Variants in RASA1 observed in about 807,000 individuals in gnomAD.
RASA1 encodes RAS p21 protein activator 1.
RASA1 carries 25 observed loss-of-function variants against 132.2 expected under a neutral mutation model. The observed-to-expected ratio is 0.19, with a 90% CI of 0.14 to 0.26. The LOEUF is 0.26. RASA1 is among the 10% of genes least tolerant of loss of function. The pLI is 1.00. For missense variants in RASA1, 964 were observed against 1,299.2 expected (o/e 0.74, Z 3.97); for synonymous variants, 477 against 449.9 (o/e 1.06, Z -0.76).
At chr5:87,295,922 T>A (rs1398663310) in intron 1 of RASA1, among the ~76,000 whole-genome samples, 1 of 152,100 alleles carries the variant, frequency 6.6e-6, no homozygotes, top group African/African-American at 2.4e-5. Flanking sequence ...ATTCAAGCAG[T>A]TCTCCTGCCT....
At chr5:87,380,996 A>G (rs1387676790) in intron 20 of RASA1, among the ~76,000 whole-genome samples, 1 of 152,220 alleles carries the variant, frequency 6.6e-6, no homozygotes, top group Non-Finnish European at 1.5e-5. Context: ...CTCTGAGCTA[A>G]TCAGAACCAG....
chr5:87,386,989 G>A, intron 23 of RASA1, 86 bp downstream of exon 23: 1 of 1,245,440 alleles, frequency 8.0e-7, no homozygotes, highest in South Asian at 1.3e-5. Flanking sequence ...TCTTTAGAAA[G>A]ATTTTCTATC....
rs541501755 is a variant in RASA1 at position 87,307,993 on chromosome 5, T to G, written c.540-23355T>G. ...CACAAAACTTTTGAATACTGCAGTT[T>G]GCTATGCAGTCTTTCCTTAGCTTCT... is the stretch of plus-strand genomic sequence containing the variant. On this transcript the variant is annotated intron_variant, in intron 1 of 24. Transcript: ENST00000274376. Among the ~76,000 whole-genome samples, 66 of 152,326 alleles carry G rather than the reference T, an allele frequency of 4.3e-4. 1 individual carries two copies. In the South Asian group the frequency reaches 0.013, roughly 30 times the overall value.
intron 23 of RASA1, among the ~76,000 whole-genome samples, chr5:87,388,033 T>C (rs1270226481): frequency 1.3e-5 from 2 of 152,176 alleles, no homozygotes; most frequent in East Asian, 3.8e-4. Context: ...TCAATTATTA[T>C]CTCCTTCAGG....
chr5:87,386,972 G>A, intron 23 of RASA1, 69 bp downstream of exon 23: 1 of 1,353,724 alleles, frequency 7.4e-7, no homozygotes, highest in South Asian at 1.2e-5. Context: ...ACCCATTTAA[G>A]CAGCAATCTT....
chr5:87,391,251 T>C lies in RASA1; in HGVS notation c.*368T>C. The C allele has an allele frequency of 2.5e-6, 1 of 399,154 alleles. No homozygotes were observed. Among genetic ancestry groups the C allele is most frequent in the Non-Finnish European group, 4.6e-6 (1 of 215,728 alleles). The allele number at this position is 399,154 out of a possible 1,614,324, so 24.7% of individuals were successfully genotyped here. A position where few individuals can be genotyped will look rare whatever the true frequency, so the allele number is the denominator to read the frequency against. On this transcript the variant is annotated 3_prime_UTR_variant, in exon 25 of 25. Transcript: ENST00000274376. ...TTTTGCTGTCTCTTAGAGAAAGAAC[T>C]ATGAAATCAACTGACAAGAAACACA...
intron 1 of RASA1, among the ~76,000 whole-genome samples, chr5:87,305,611 C>G (rs151306324): frequency 0.011 from 1,721 of 152,192 alleles, 22 homozygotes; most frequent in African/African-American, 0.039. Context: ...AAAGCAATTG[C>G]AACAAAAGCA....
intron 6 of RASA1, among the ~76,000 whole-genome samples, chr5:87,344,607 G>A (rs1320279391): frequency 6.6e-6 from 1 of 151,640 alleles, no homozygotes; most frequent in Non-Finnish European, 1.5e-5. Flanking sequence ...GGGCTCAAGT[G>A]ATCTTCCTGC....
chr5:87,283,148 G>GTTTTTTTTTTTTTTTTGT (rs200461511), intron 1 of RASA1, among the ~76,000 whole-genome samples: 5 of 103,228 alleles, frequency 4.8e-5, no homozygotes, highest in East Asian at 5.2e-4. Context: ...TTTTTTTTGT[G>GTTTTTTTTTTTTTTTTGT]TTTTTTTTTT....
At chr5:87,383,928 CCTTGTG>C in intron 21 of RASA1, 148 bp downstream of exon 21, 2 of 725,526 alleles carry the variant, frequency 2.8e-6, no homozygotes, top group South Asian at 3.8e-5. Context: ...ACCCTTCCTT[CCTTGTG>C]CTTGTGCTTC....
In RASA1 at chr5:87,320,238, T is replaced by A. The variant is rs1457901036; in HGVS notation, c.540-11110T>A. The stretch of plus-strand genomic sequence containing the variant: ...AGGAAGTCTGAAACTTTCCCACATC[T>A]TCTGTCTTCTTCTGATCTCTCCAAA... On this transcript the variant is annotated intron_variant, in intron 1 of 24. Coordinates refer to ENST00000274376, the MANE Select transcript of RASA1 (RefSeq NM_002890.3). Among the ~76,000 whole-genome samples, 3 of 152,228 alleles carry A rather than the reference T, an allele frequency of 2.0e-5. No homozygotes were observed. In the East Asian group the frequency reaches 5.8e-4, roughly 29 times the overall value.
chr5:87,374,726 ACT>A (rs1277564280), intron 14 of RASA1, 112 bp from the exon 15 acceptor site: 66 of 1,426,786 alleles, frequency 4.6e-5, no homozygotes, highest in African/African-American at 1.2e-4. Context: ...GGTCTAGCAC[ACT>A]GTTTTTTTTT....
At position 87,292,262 on chromosome 5, in the gene RASA1, CT is replaced by C. The variant is rs545135348; in HGVS notation, c.539+23278del. ...ACCATAGCCAAGGTCATTAGATTTT[CT>C]TTTTTGTTATTGTCTAGGAGTTTTA... On this transcript the variant is annotated intron_variant, in intron 1 of 24. Transcript: ENST00000274376. Among the ~76,000 whole-genome samples the C allele has an allele frequency of 7.1e-4, 107 of 150,948 alleles. 1 individual carries two copies. In the South Asian group the frequency reaches 0.018, roughly 25 times the overall value.
At chr5:87,287,670 CCATATATGTACACGCCATAGATATAT>C (rs1754698275) in intron 1 of RASA1, among the ~76,000 whole-genome samples, 1 of 145,134 alleles carries the variant, frequency 6.9e-6, no homozygotes, top group African/African-American at 2.6e-5. Context: ...TAGATATACA[CCATATATGTACACGCCATAGATATAT>C]ACCATATATG....
intron 4 of RASA1, among the ~76,000 whole-genome samples, chr5:87,335,418 G>GGTT (rs1757894230): frequency 7.4e-6 from 1 of 135,232 alleles, no homozygotes; most frequent in African/African-American, 2.8e-5. Context: ...TAAAGAATGA[G>GGTT]GTTTTTTTTT....
chr5:87,270,011 G>T (rs1464381365), intron 1 of RASA1, among the ~76,000 whole-genome samples: 1 of 152,084 alleles, frequency 6.6e-6, no homozygotes, highest in Non-Finnish European at 1.5e-5. Flanking sequence ...AGAGGCTGAG[G>T]TGGGCGGATC....
At chr5:87,279,882 A>G (rs1208318768) in intron 1 of RASA1, among the ~76,000 whole-genome samples, 1 of 152,232 alleles carries the variant, frequency 6.6e-6, no homozygotes. Context: ...CTAGCCAATG[A>G]AAAAAGCTGG....
At chr5:87,319,718 C>G (rs112386295) in intron 1 of RASA1, among the ~76,000 whole-genome samples, 4,476 of 152,320 alleles carry the variant, frequency 0.029, 85 homozygotes, top group Middle Eastern at 0.092. Flanking sequence ...CCATGAAGAT[C>G]TCTGACATGC....
intron 5 of RASA1, among the ~76,000 whole-genome samples, chr5:87,339,998 G>A (rs994360291): frequency 1.3e-5 from 2 of 152,070 alleles, no homozygotes; most frequent in Non-Finnish European, 2.9e-5. Flanking sequence ...ATACTTTCAT[G>A]TATTAACTCT....
Sources: gnomAD v4.1 joint callset for allele counts (sites outside exome capture counted in the v4.1 genomes callset) on GRCh38, gnomAD v4.1.1 for gene constraint, MANE v1.5 for transcripts, NCBI Gene and HGNC (gene_info 2026-07-23, HGNC 2026-07-21) for gene names.